Variants in NDST3 observed in about 807,000 individuals in gnomAD.
The protein encoded by NDST3 is N-deacetylase and N-sulfotransferase 3.
In NDST3, 58 loss-of-function variants were observed where a neutral mutation model predicts 96.1. That is an observed-to-expected ratio of 0.60 (90% confidence interval 0.49 to 0.75). The LOEUF is 0.75. Among genes scored for constraint, NDST3 ranks in the 30% least tolerant of loss-of-function variants. NDST3 has a pLI of 0.00. For missense variants in NDST3, 788 were observed against 1,034.2 expected, an observed-to-expected ratio of 0.76 and a Z score of 3.27; for synonymous variants, 333 against 359.7, an observed-to-expected ratio of 0.93 and a Z score of 0.84.
intron 3 of NDST3, among the ~76,000 whole-genome samples, chr4:118,109,988 T>G (rs1730509930): frequency 6.6e-6 from 1 of 152,188 alleles, no homozygotes; most frequent in Non-Finnish European, 1.5e-5. Flanking sequence ...ACACTTTTCA[T>G]GTACTTTTTC....
At chr4:118,175,068 C>A (rs377702294) in intron 6 of NDST3, among the ~76,000 whole-genome samples, 1 of 152,072 alleles carries the variant, frequency 6.6e-6, no homozygotes, top group Non-Finnish European at 1.5e-5. Context: ...CGTATTTTAC[C>A]AGCAACCATC....
chr4:118,172,788 C>A (rs1736035719), intron 6 of NDST3, among the ~76,000 whole-genome samples: 1 of 151,932 alleles, frequency 6.6e-6, no homozygotes, highest in Non-Finnish European at 1.5e-5. Flanking sequence ...TTATATGAAT[C>A]ATACTAACAT....
At chr4:118,122,233 T>C (rs1368466444) in intron 4 of NDST3, among the ~76,000 whole-genome samples, 1 of 152,132 alleles carries the variant, frequency 6.6e-6, no homozygotes, top group Non-Finnish European at 1.5e-5. Flanking sequence ...GATGTGGGTA[T>C]GAGGGTGGGG....
chr4:118,228,394 T>A (rs772373750), intron 8 of NDST3, among the ~76,000 whole-genome samples: 16 of 152,206 alleles, frequency 1.1e-4, no homozygotes, highest in Non-Finnish European at 1.9e-4. Flanking sequence ...TCCTGCAGGA[T>A]TCGCTTCCTC....
intron 6 of NDST3, among the ~76,000 whole-genome samples, chr4:118,169,829 C>G (rs1402969549): frequency 2.0e-5 from 3 of 151,312 alleles, no homozygotes; most frequent in African/African-American, 7.3e-5. Context: ...ACTGGGTGAT[C>G]CTGGCTCCAG....
At chr4:118,109,872 CT>C (rs1463991022) in intron 3 of NDST3, among the ~76,000 whole-genome samples, 1 of 152,008 alleles carries the variant, frequency 6.6e-6, no homozygotes, top group Non-Finnish European at 1.5e-5. Flanking sequence ...CAGAAGAGAG[CT>C]TTATCTTGTT....
At chr4:118,210,249 CAG>C (rs1738696362) in intron 6 of NDST3, among the ~76,000 whole-genome samples, 1 of 152,058 alleles carries the variant, frequency 6.6e-6, no homozygotes, top group South Asian at 2.1e-4. Context: ...CTGAGACCAT[CAG>C]AGAGCTTAAG....
intron 6 of NDST3, among the ~76,000 whole-genome samples, chr4:118,174,922 A>T (rs936220566): frequency 3.9e-5 from 6 of 152,080 alleles, no homozygotes; most frequent in African/African-American, 1.4e-4. Context: ...TTTTGCTCTG[A>T]ACCAGCTTGC....
At position 118,095,938 on chromosome 4, in the gene NDST3, A is replaced by G. The variant is rs185999520; in HGVS notation, c.982-9080A>G. 9.9e-5 allele frequency among the ~76,000 whole-genome samples: 15 copies of G among 152,080 alleles called. No individual in the cohort carries two copies. The East Asian group carries it at 2.9e-3, about 29-fold the overall frequency. The stretch of plus-strand genomic sequence containing the variant: ...TCATAGTTGAATAATATTTCATTGT[A>G]TGTACATAGGCAAATTTGTTTCTCC... On this transcript the variant is annotated intron_variant, in intron 2 of 13. Coordinates refer to ENST00000296499, the MANE Select transcript of NDST3 (RefSeq NM_004784.3).
chr4:118,180,597 C>A (rs1285932114), intron 6 of NDST3, among the ~76,000 whole-genome samples: 1 of 152,100 alleles, frequency 6.6e-6, no homozygotes, highest in Non-Finnish European at 1.5e-5. Context: ...AGATAGGTGA[C>A]TTTTCAATTT....
chr4:118,071,699 A>G (rs987222174), intron 2 of NDST3, among the ~76,000 whole-genome samples: 3 of 152,144 alleles, frequency 2.0e-5, no homozygotes, highest in Non-Finnish European at 4.4e-5. Context: ...TGTCTTTACT[A>G]TTGTGAATAG....
At chr4:118,148,996 A>G in intron 6 of NDST3, among the ~76,000 whole-genome samples, 1 of 152,038 alleles carries the variant, frequency 6.6e-6, no homozygotes, top group Non-Finnish European at 1.5e-5. Flanking sequence ...TCCCAGCACC[A>G]TTTATTAAAT....
intron 9 of NDST3, 110 bp downstream of exon 9, chr4:118,233,245 C>A: frequency 1.0e-6 from 1 of 982,992 alleles, no homozygotes. Flanking sequence ...AAAATTTAAC[C>A]TCTGTGCCTT....
At chr4:118,176,926 A>G (rs1432032761) in intron 6 of NDST3, among the ~76,000 whole-genome samples, 1 of 152,076 alleles carries the variant, frequency 6.6e-6, no homozygotes, top group Non-Finnish European at 1.5e-5. Context: ...TTCAAGGAGA[A>G]GGTAGATTTA....
At chr4:118,244,320 T>A (rs2126008824) in intron 12 of NDST3, among the ~76,000 whole-genome samples, 1 of 152,320 alleles carries the variant, frequency 6.6e-6, no homozygotes, top group South Asian at 2.1e-4. Flanking sequence ...TACTGATAGC[T>A]GTTTCTGTAG....
intron 5 of NDST3, 88 bp from the exon 6 acceptor site, chr4:118,143,468 C>T (rs894327215): frequency 4.3e-5 from 59 of 1,359,576 alleles, no homozygotes; most frequent in Non-Finnish European, 5.4e-5. Flanking sequence ...CTAGCTTGTG[C>T]ATCATCTTGT....
chr4:118,059,870 C>T (rs904100738), intron 2 of NDST3, among the ~76,000 whole-genome samples: 3 of 152,084 alleles, frequency 2.0e-5, no homozygotes, highest in African/African-American at 2.4e-5. Context: ...TTCTCCTAAA[C>T]TCATATTTCT....
At position 118,224,449 on chromosome 4, in the gene NDST3, A is replaced by G. The variant is rs79233754; in HGVS notation, c.1540-42A>G. On this transcript the variant is annotated intron_variant, in intron 6 of 13. Coordinates refer to ENST00000296499, the MANE Select transcript of NDST3 (RefSeq NM_004784.3). ...GTGATTATACTGCCCTCTAGTGTCA[A>G]AATAAATGTTATTTACACTGAAGTT... 9.9e-4 allele frequency: 1,531 copies of G among 1,554,076 alleles called. 17 individuals are homozygous for G. The African/African-American group carries it at 0.019, about 19-fold the overall frequency.
At chr4:118,143,749 A>G in intron 6 of NDST3, 65 bp downstream of exon 6, 1 of 1,518,086 alleles carries the variant, frequency 6.6e-7, no homozygotes, top group Non-Finnish European at 8.8e-7. Flanking sequence ...TACCCTGGCA[A>G]AGAGGCTAGG....
Sources: allele counts gnomAD v4.1 joint callset (sites outside exome capture counted in the v4.1 genomes callset), GRCh38; gene constraint gnomAD v4.1.1; transcripts MANE v1.5; gene names NCBI Gene and HGNC (gene_info 2026-07-23, HGNC 2026-07-21).